The following MAP3K13 variants were observed in gnomAD, a reference collection of about 807,000 sequenced individuals.
MAP3K13 encodes mitogen-activated protein kinase kinase kinase 13.
In MAP3K13, 52 loss-of-function variants were observed where a neutral mutation model predicts 104.0. That is an observed-to-expected ratio of 0.50 (90% CI 0.40 to 0.63). The LOEUF (loss-of-function observed/expected upper bound fraction) is 0.63. MAP3K13 is among the 20% of genes least tolerant of loss of function. The pLI is 0.00. For missense variants in MAP3K13, 914 were observed against 1,218.5 expected, an observed-to-expected ratio of 0.75 and a Z score of 3.72; for synonymous variants, 394 against 442.2, an observed-to-expected ratio of 0.89 and a Z score of 1.37.
At chr3:185,318,938 A>G (rs1721766890) in intron 2 of MAP3K13, among the ~76,000 whole-genome samples, 1 of 152,162 alleles carries the variant, frequency 6.6e-6, no homozygotes, top group Admixed American at 6.5e-5. Flanking sequence ...TCCTGATTCT[A>G]TACTTTTCTT....
At chr3:185,455,215 T>TATATATGATATATATGAG (rs1716413741) in intron 7 of MAP3K13, among the ~76,000 whole-genome samples, 2 of 80,666 alleles carry the variant, frequency 2.5e-5, no homozygotes, top group Non-Finnish European at 4.8e-5. Flanking sequence ...ATATATGAGA[T>TATATATGATATATATGAG]ATATATATGA....
At chr3:185,406,864 G>A (rs978670164) in intron 1 of MAP3K13, among the ~76,000 whole-genome samples, 3 of 152,058 alleles carry the variant, frequency 2.0e-5, no homozygotes, top group Admixed American at 6.6e-5. Flanking sequence ...CTAATGAACC[G>A]GCTTGTTTTC....
chr3:185,306,674 A>ATATTAGAC (rs1482112079), intron 2 of MAP3K13, among the ~76,000 whole-genome samples: 2 of 152,046 alleles, frequency 1.3e-5, no homozygotes, highest in East Asian at 3.9e-4. Flanking sequence ...TAGATTCTGG[A>ATATTAGAC]TATTAGACCT....
At chr3:185,298,359 C>A (rs753133299) in intron 2 of MAP3K13, among the ~76,000 whole-genome samples, 1 of 151,828 alleles carries the variant, frequency 6.6e-6, no homozygotes, top group South Asian at 2.1e-4. Context: ...TTATGTTCCA[C>A]GTATTTCAAG....
chr3:185,400,885 A>T (rs1177807230), intron 1 of MAP3K13, among the ~76,000 whole-genome samples: 5 of 134,050 alleles, frequency 3.7e-5, no homozygotes, highest in Non-Finnish European at 6.3e-5. Context: ...TCTTATTAGG[A>T]TAATTCTGGG....
At chr3:185,385,472 T>G (rs116481583) in intron 1 of MAP3K13, among the ~76,000 whole-genome samples, 12 of 152,242 alleles carry the variant, frequency 7.9e-5, no homozygotes, top group African/African-American at 2.9e-4. Context: ...CATGCCTGGC[T>G]GAATTCTACC....
chr3:185,349,669 C>G (rs1723065742), intron 2 of MAP3K13, among the ~76,000 whole-genome samples: 1 of 152,228 alleles, frequency 6.6e-6, no homozygotes, highest in Admixed American at 6.5e-5. Context: ...CTTTCCAGTT[C>G]TAGACTGTAA....
intron 2 of MAP3K13, among the ~76,000 whole-genome samples, chr3:185,307,689 G>A (rs1055186499): frequency 2.0e-5 from 3 of 151,346 alleles, no homozygotes; most frequent in African/African-American, 2.4e-5. Context: ...GATTACAGGC[G>A]CATGCCACCA....
At chr3:185,439,314 T>C (rs1212262104) in intron 3 of MAP3K13, among the ~76,000 whole-genome samples, 1 of 152,130 alleles carries the variant, frequency 6.6e-6, no homozygotes, top group Non-Finnish European at 1.5e-5. Context: ...TTGGTTGACC[T>C]AGTAGGGCCA....
At chr3:185,357,096 A>G (rs1723387681) in intron 2 of MAP3K13, among the ~76,000 whole-genome samples, 1 of 149,922 alleles carries the variant, frequency 6.7e-6, no homozygotes, top group Non-Finnish European at 1.5e-5. Flanking sequence ...GAGAGTTAAG[A>G]AGTTTTTTTT....
At chr3:185,293,119 T>G in intron 2 of MAP3K13, 1 of 875,352 alleles carries the variant, frequency 1.1e-6, no homozygotes, top group Non-Finnish European at 1.4e-6. Context: ...CTTTTCCTTT[T>G]TCTTTTTCTT....
chr3:185,387,474 G>A (rs1019272873), intron 1 of MAP3K13, among the ~76,000 whole-genome samples: 1 of 151,978 alleles, frequency 6.6e-6, no homozygotes, highest in African/African-American at 2.4e-5. Flanking sequence ...AACTTTTTGA[G>A]GCATCAGAAT....
At chr3:185,292,996 GT>G (rs1328017118) in intron 2 of MAP3K13, 3 of 984,838 alleles carry the variant, frequency 3.0e-6, no homozygotes, top group African/African-American at 1.8e-5. Context: ...ATAAAAAATT[GT>G]TTTAGTTATA....
intron 3 of MAP3K13, 79 bp downstream of exon 3, chr3:185,437,709 G>A: frequency 4.4e-6 from 6 of 1,364,534 alleles, no homozygotes; most frequent in Admixed American, 2.2e-5. Context: ...TCTGCTTTGA[G>A]AGATATTTCA....
chr3:185,347,943 C>T (rs1006494344), intron 2 of MAP3K13, among the ~76,000 whole-genome samples: 8 of 146,802 alleles, frequency 5.4e-5, no homozygotes, highest in Non-Finnish European at 8.9e-5. Flanking sequence ...ATCTGGGAGG[C>T]GGCGGTTGCA....
chr3:185,339,760 G>A (rs1024186374), intron 2 of MAP3K13, among the ~76,000 whole-genome samples: 4 of 152,206 alleles, frequency 2.6e-5, no homozygotes, highest in Non-Finnish European at 5.9e-5. Context: ...GCAGCCAGCT[G>A]GATTTGGCCC....
chr3:185,424,629 G>GA lies in MAP3K13; in HGVS notation c.-85-3865dup, dbSNP rs1714312799. Among the ~76,000 whole-genome samples the GA allele has an allele frequency of 3.9e-5, 6 of 152,156 alleles. No homozygotes were observed. The South Asian group carries it at 1.2e-3, about 32-fold the overall frequency. On this transcript the variant is annotated intron_variant, in intron 1 of 13. Transcript: ENST00000265026. ...CTGTGGTGGGAATATTTACACCAGG[G>GA]AAATGAGCAAACACTACAAACCAGA...
chr3:185,424,784 C>T (rs766165803), intron 1 of MAP3K13, among the ~76,000 whole-genome samples: 2 of 152,178 alleles, frequency 1.3e-5, no homozygotes, highest in Non-Finnish European at 2.9e-5. Context: ...CGTTCTATAT[C>T]CACAGAATCT....
chr3:185,326,858 G>A (rs1394211181), intron 2 of MAP3K13, among the ~76,000 whole-genome samples: 1 of 152,170 alleles, frequency 6.6e-6, no homozygotes, highest in African/African-American at 2.4e-5. Flanking sequence ...ACAGCACCCA[G>A]ATTAATGAAT....
Sources: allele counts gnomAD v4.1 joint callset (sites outside exome capture counted in the v4.1 genomes callset), GRCh38; gene constraint gnomAD v4.1.1; transcripts MANE v1.5; gene names NCBI Gene and HGNC (gene_info 2026-07-23, HGNC 2026-07-21).